SPAG16: variants seen among roughly 807,000 people sequenced by gnomAD.
SPAG16 encodes the protein sperm-associated antigen 16 protein.
SPAG16 carries 86 observed loss-of-function variants against 80.4 expected under a neutral mutation model. The ratio of observed to expected loss-of-function variants is 1.07; its 90% confidence interval spans 0.90 to 1.28. SPAG16 has a LOEUF of 1.28. Among genes scored for constraint, SPAG16 ranks in the 50% most tolerant of loss-of-function variants. SPAG16 has a pLI of 0.00. For synonymous variants in SPAG16, 294 were observed against 265.9 expected (o/e 1.11, Z -1.03); for missense variants, 870 against 765.3 (o/e 1.14, Z -1.61).
intron 10 of SPAG16, among the ~76,000 whole-genome samples, chr2:213,674,019 T>C (rs2063929293): frequency 6.6e-6 from 1 of 152,166 alleles, no homozygotes; most frequent in Non-Finnish European, 1.5e-5. Context: ...ATTTTGGTGC[T>C]GTTTATAAGG....
intron 10 of SPAG16, among the ~76,000 whole-genome samples, chr2:213,553,197 A>C (rs1469847861): frequency 2.6e-5 from 4 of 152,180 alleles, no homozygotes; most frequent in Non-Finnish European, 5.9e-5. Flanking sequence ...ACTAGCCTTC[A>C]TCTGTCCATA....
intron 8 of SPAG16, among the ~76,000 whole-genome samples, chr2:213,366,607 A>T (rs961202331): frequency 4.0e-4 from 61 of 152,200 alleles, no homozygotes; most frequent in African/African-American, 1.4e-3. Context: ...TGAGAACAGC[A>T]TGGGAAAACC....
chr2:213,702,835 A>C (rs369964856), intron 10 of SPAG16, among the ~76,000 whole-genome samples: 49 of 152,326 alleles, frequency 3.2e-4, no homozygotes, highest in African/African-American at 1.1e-3. Context: ...ATTGGCATGG[A>C]AAACAACAAG....
chr2:213,421,009 G>C (rs1186364065), intron 9 of SPAG16, among the ~76,000 whole-genome samples: 1 of 152,200 alleles, frequency 6.6e-6, no homozygotes, highest in African/African-American at 2.4e-5. Context: ...AGTCACAGCT[G>C]GGGCTGCATC....
At chr2:213,519,861 CT>C (rs2125843926) in intron 10 of SPAG16, among the ~76,000 whole-genome samples, 1 of 152,212 alleles carries the variant, frequency 6.6e-6, no homozygotes, top group Non-Finnish European at 1.5e-5. Flanking sequence ...TTCTAATCCC[CT>C]GTACCTGTGA....
intron 14 of SPAG16, among the ~76,000 whole-genome samples, chr2:214,139,278 AT>A (rs1354010611): frequency 2.0e-5 from 3 of 152,072 alleles, no homozygotes; most frequent in Non-Finnish European, 4.4e-5. Context: ...CCTTCAGAGC[AT>A]TTGGTGTGGT....
At chr2:213,437,559 T>C (rs1285823815) in intron 9 of SPAG16, among the ~76,000 whole-genome samples, 1 of 152,182 alleles carries the variant, frequency 6.6e-6, no homozygotes, top group East Asian at 1.9e-4. Context: ...AATTCAGCCA[T>C]TATAGGGGTG....
chr2:213,451,666 T>G (rs535300610), intron 9 of SPAG16, among the ~76,000 whole-genome samples: 16 of 151,842 alleles, frequency 1.1e-4, no homozygotes, highest in Admixed American at 3.3e-4. Flanking sequence ...GGTTGCTGAG[T>G]GGTAGTAAAA....
intron 8 of SPAG16, among the ~76,000 whole-genome samples, chr2:213,365,991 A>C (rs1338070681): frequency 1.3e-5 from 2 of 150,000 alleles, no homozygotes; most frequent in African/African-American, 4.9e-5. Flanking sequence ...AAATACAAAA[A>C]ATTAGCTGGG....
chr2:214,193,427 G>GT (rs1491127730), intron 15 of SPAG16, among the ~76,000 whole-genome samples: 256 of 74,704 alleles, frequency 3.4e-3, no homozygotes, highest in Non-Finnish European at 5.1e-3. Context: ...GTGTGTGTAT[G>GT]AGAGAGAGAG....
chr2:213,697,432 C>T (rs1413707831), intron 10 of SPAG16, among the ~76,000 whole-genome samples: 1 of 152,018 alleles, frequency 6.6e-6, no homozygotes, highest in Non-Finnish European at 1.5e-5. Flanking sequence ...ATAATGGTCC[C>T]CAAAGATATT....
At chr2:213,387,242 A>G (rs2067473502) in intron 9 of SPAG16, among the ~76,000 whole-genome samples, 1 of 151,704 alleles carries the variant, frequency 6.6e-6, no homozygotes, top group Admixed American at 6.6e-5. Context: ...TTAAAAATCT[A>G]CCTTTCACCT....
chr2:213,603,626 T>C (rs2061146659), intron 10 of SPAG16, among the ~76,000 whole-genome samples: 1 of 152,246 alleles, frequency 6.6e-6, no homozygotes, highest in Non-Finnish European at 1.5e-5. Flanking sequence ...TTTTAATTTG[T>C]TTTGGGAATA....
chr2:213,945,398 A>G (rs1019387661), intron 12 of SPAG16, among the ~76,000 whole-genome samples: 1 of 151,682 alleles, frequency 6.6e-6, no homozygotes, highest in Admixed American at 6.6e-5. Context: ...CCCACAACAG[A>G]CTGTCTGCAA....
At chr2:214,394,710 A>G (rs1701266756) in intron 15 of SPAG16, among the ~76,000 whole-genome samples, 1 of 152,180 alleles carries the variant, frequency 6.6e-6, no homozygotes, top group African/African-American at 2.4e-5. Context: ...CACATGTGTT[A>G]CACCTGATGA....
At chr2:213,371,396 C>CAAAAAAAAAAA (rs1161878780) in intron 8 of SPAG16, among the ~76,000 whole-genome samples, 1 of 47,306 alleles carries the variant, frequency 2.1e-5, no homozygotes, top group African/African-American at 6.5e-5. Flanking sequence ...GACCGTGTCT[C>CAAAAAAAAAAA]AAAAAAAAAA....
chr2:213,859,984 T>TA (rs2075350423), intron 10 of SPAG16, among the ~76,000 whole-genome samples: 1 of 102,588 alleles, frequency 9.7e-6, no homozygotes, highest in Non-Finnish European at 2.3e-5. Flanking sequence ...TAAATATCAT[T>TA]ACCATTAGTT....
At chr2:213,447,415 C>T (rs1253507882) in intron 9 of SPAG16, among the ~76,000 whole-genome samples, 1 of 152,216 alleles carries the variant, frequency 6.6e-6, no homozygotes, top group Non-Finnish European at 1.5e-5. Context: ...CTGTTATCCC[C>T]AGTACTGCCC....
intron 14 of SPAG16, among the ~76,000 whole-genome samples, chr2:214,114,699 G>A (rs1204094079): frequency 6.6e-6 from 1 of 152,172 alleles, no homozygotes; most frequent in Admixed American, 6.5e-5. Flanking sequence ...CGTTTTTCCA[G>A]GTACAGTCTG....
Sources: gnomAD v4.1 joint callset for allele counts (sites outside exome capture counted in the v4.1 genomes callset) on GRCh38, gnomAD v4.1.1 for gene constraint, MANE v1.5 for transcripts, NCBI Gene and HGNC (gene_info 2026-07-23, HGNC 2026-07-21) for gene names.